ZNF521: variants seen among roughly 807,000 people sequenced by gnomAD.
The protein encoded by ZNF521 is zinc finger protein 521.
Under a neutral mutation model 105.5 loss-of-function variants are expected in ZNF521, and 14 were observed. That is an observed-to-expected ratio of 0.13 (90% CI 0.09 to 0.21). The LOEUF (loss-of-function observed/expected upper bound fraction) is 0.21. ZNF521 is among the 10% of genes least tolerant of loss of function. The probability of loss-of-function intolerance (pLI) is 1.00; values close to 1 mark genes in which losing one functional copy is unlikely to be tolerated. For missense variants in ZNF521, 1,233 were observed against 1,629.7 expected (o/e 0.76, Z 4.19); for synonymous variants, 635 against 606.0 (o/e 1.05, Z -0.70).
intron 5 of ZNF521, among the ~76,000 whole-genome samples, chr18:25,128,934 G>A (rs1238992128): frequency 6.6e-6 from 1 of 151,908 alleles, no homozygotes; most frequent in Non-Finnish European, 1.5e-5. Flanking sequence ...TGTTATTTTT[G>A]TGGATATTGA....
intron 3 of ZNF521, among the ~76,000 whole-genome samples, chr18:25,244,777 TG>T (rs1318320862): frequency 1.3e-5 from 2 of 152,364 alleles, no homozygotes; most frequent in South Asian, 4.1e-4. Flanking sequence ...CTGCTGGTCG[TG>T]ACTGCAAGCA....
chr18:25,194,610 G>A (rs1228110546), intron 5 of ZNF521, among the ~76,000 whole-genome samples: 2 of 151,574 alleles, frequency 1.3e-5, no homozygotes, highest in Non-Finnish European at 3.0e-5. Flanking sequence ...AAAATTTGGT[G>A]GGGAATAAAA....
chr18:25,196,332 T>C (rs1165329859), intron 4 of ZNF521, among the ~76,000 whole-genome samples: 2 of 151,660 alleles, frequency 1.3e-5, no homozygotes, highest in African/African-American at 4.8e-5. Context: ...TATAAAATTG[T>C]TTTACTGATG....
Position 25,225,590 on chromosome 18 carries a change from C to T in ZNF521, c.2328G>A (p.Leu776=), listed in dbSNP as rs1600177930. The T allele has an allele frequency of 1.2e-6, 2 of 1,614,168 alleles. No individual in the cohort carries two copies. ...DLQLHVKHNH[L]ENQGKVHKCI... is the part of the protein sequence containing the mutation. The stretch of plus-strand genomic sequence containing the variant: ...ACTTATGCACTTTCCCTTGGTTTTC[C>T]AGGTGGTTGTGTTTCACATGGAGCT... The change falls in exon 4 of 8, where the codon CTG becomes CTA. Residue 776 remains leucine (L), a synonymous_variant. Transcript: ENST00000361524. The surrounding 1 kb of genome is among the most constrained non-coding windows in gnomAD (Gnocchi z 5.6).
intron 3 of ZNF521, among the ~76,000 whole-genome samples, chr18:25,251,742 T>C (rs891974291): frequency 3.3e-5 from 5 of 152,148 alleles, no homozygotes; most frequent in Non-Finnish European, 7.4e-5. Flanking sequence ...AAAGCTCTAA[T>C]TAAAAAGCAC....
At chr18:25,141,720 A>T (rs1343134471) in intron 5 of ZNF521, among the ~76,000 whole-genome samples, 2 of 152,078 alleles carry the variant, frequency 1.3e-5, no homozygotes, top group Admixed American at 6.5e-5. Flanking sequence ...GGTGTCTTTA[A>T]TTTAAAGCCT....
rs1255573892 is a variant in ZNF521, at chr18:25,224,601, C to G, written c.3317G>C (p.Gly1106Ala). ...CVNLSKSASP[G>A]INVPPGTNRP... is the part of the protein sequence containing the mutation. ...ATTCGTGCCGGGAGGGACGTTAATG[C>G]CTGGGCTGGCGCTCTTACTGAGATT... Residue 1106 changes from glycine to alanine, a missense_variant, in exon 4 of 8, where the codon GGC becomes GCC. Coordinates refer to ENST00000361524, the MANE Select transcript of ZNF521 (RefSeq NM_015461.3). 6.2e-7 allele frequency: 1 copy of G among 1,614,112 alleles called. No homozygotes were observed.
intron 6 of ZNF521, among the ~76,000 whole-genome samples, chr18:25,090,630 C>T (rs550187648): frequency 5.2e-4 from 79 of 152,226 alleles, no homozygotes; most frequent in African/African-American, 1.5e-3. Context: ...ATTTTTGTCT[C>T]TTTATCCGTA....
intron 3 of ZNF521, among the ~76,000 whole-genome samples, chr18:25,234,767 T>C (rs1184807003): frequency 6.6e-6 from 1 of 152,160 alleles, no homozygotes; most frequent in African/African-American, 2.4e-5. Context: ...TTAACGATAA[T>C]TTAGTTGTTG....
intron 2 of ZNF521, among the ~76,000 whole-genome samples, chr18:25,329,208 T>C (rs1436594715): frequency 1.3e-5 from 2 of 152,188 alleles, no homozygotes; most frequent in Non-Finnish European, 2.9e-5. Context: ...ATCCTCAAGG[T>C]GACCAGGCAC....
chr18:25,150,403 C>T (rs4506987), intron 5 of ZNF521, among the ~76,000 whole-genome samples: 144,046 of 152,102 alleles, frequency 0.95, 68,369 homozygotes, highest in Middle Eastern at 0.99. Context: ...CGTAACCAAA[C>T]ACCACCTGTT....
At chr18:25,120,170 A>G (rs2034405739) in intron 5 of ZNF521, among the ~76,000 whole-genome samples, 1 of 152,258 alleles carries the variant, frequency 6.6e-6, no homozygotes, top group Non-Finnish European at 1.5e-5. Context: ...AGATGGTTTC[A>G]TTGGTGAATT....
At chr18:25,106,597 T>C (rs1265911731) in intron 5 of ZNF521, among the ~76,000 whole-genome samples, 2 of 152,132 alleles carry the variant, frequency 1.3e-5, no homozygotes, top group Non-Finnish European at 2.9e-5. Context: ...GCTTCTACTG[T>C]GTGTTCTCCA....
chr18:25,202,360 A>G (rs1174168333), intron 4 of ZNF521: 1 of 152,212 alleles, frequency 6.6e-6, no homozygotes, highest in Non-Finnish European at 1.5e-5. Context: ...TAGCGCTTAT[A>G]TTATATTCAG....
rs138331517 is a variant in ZNF521 at position 25,250,862 on chromosome 18, G to T, written c.221-23165C>A. Among the ~76,000 whole-genome samples, 765 of 152,248 alleles carry T rather than the reference G, an allele frequency of 5.0e-3. 8 individuals are homozygous for T. The highest frequency in any genetic ancestry group is 0.017 in the African/African-American group (714 of 41,546). ...ATTTGGTTAAAAAATGATTGTGAGG[G>T]TAAGAGATTCTTAAGTGATTCATTC... On this transcript the variant is annotated intron_variant, in intron 3 of 7. Transcript: ENST00000361524.
chr18:25,165,456 C>G (rs2035322494), intron 5 of ZNF521, among the ~76,000 whole-genome samples: 1 of 152,186 alleles, frequency 6.6e-6, no homozygotes, highest in Admixed American at 6.5e-5. Flanking sequence ...CCCACCGTCC[C>G]CCGGTAGACT....
At chr18:25,205,017 A>G (rs2036053951) in intron 4 of ZNF521, among the ~76,000 whole-genome samples, 1 of 152,058 alleles carries the variant, frequency 6.6e-6, no homozygotes, top group Non-Finnish European at 1.5e-5. Flanking sequence ...ACCTTCATTC[A>G]TAAGGTACTT....
Position 25,092,099 on chromosome 18 carries a change from T to A in ZNF521, c.3659-18A>T. The stretch of plus-strand genomic sequence containing the variant: ...TCCTTCATCTGTCAAGGAAAACACA[T>A]GAAGAGAAATGATGAAAACCTGTCA... On this transcript the variant is annotated intron_variant, in intron 5 of 7. Transcript: ENST00000361524. The A allele has an allele frequency of 6.2e-7, 1 of 1,613,264 alleles. No homozygotes were observed. The highest frequency in any genetic ancestry group is 8.5e-7 in the Non-Finnish European group (1 of 1,179,534).
intron 5 of ZNF521, among the ~76,000 whole-genome samples, chr18:25,156,055 T>C (rs1206685371): frequency 6.6e-6 from 1 of 152,186 alleles, no homozygotes; most frequent in Admixed American, 6.5e-5. Flanking sequence ...TAGTTAGTGA[T>C]AGTGTACTGT....
Sources: allele counts gnomAD v4.1 joint callset (sites outside exome capture counted in the v4.1 genomes callset), GRCh38; gene constraint gnomAD v4.1.1; non-coding constraint Gnocchi (gnomAD v3.1); transcripts MANE v1.5; gene names NCBI Gene and HGNC (gene_info 2026-07-23, HGNC 2026-07-21).